Variants in RBFOX1 observed in about 807,000 individuals in gnomAD.
The protein encoded by RBFOX1 is RNA binding fox-1 homolog 1.
Under a neutral mutation model 57.7 loss-of-function variants are expected in RBFOX1, and 8 were observed. The ratio of observed to expected loss-of-function variants is 0.14; its 90% CI spans 0.08 to 0.25. The LOEUF is 0.25. RBFOX1 is among the 10% of genes least tolerant of loss of function. The pLI is 1.00. For missense variants in RBFOX1, 611 were observed against 548.5 expected (o/e 1.11, Z -1.14); for synonymous variants, 326 against 222.4 (o/e 1.47, Z -4.15).
intron 3 of RBFOX1, among the ~76,000 whole-genome samples, chr16:5,670,167 G>T (rs529862804): frequency 3.7e-4 from 56 of 152,216 alleles, no homozygotes; most frequent in Non-Finnish European, 4.6e-4. Context: ...GGTTACTGGG[G>T]GCTGGGGGCT....
chr16:7,251,829 C>T (rs963306896), intron 4 of RBFOX1, among the ~76,000 whole-genome samples: 10 of 152,264 alleles, frequency 6.6e-5, no homozygotes, highest in East Asian at 1.9e-4. Flanking sequence ...ATACTGATTT[C>T]GTTTCCTTTG....
intron 3 of RBFOX1, among the ~76,000 whole-genome samples, chr16:6,821,940 T>A (rs776196141): frequency 2.0e-5 from 3 of 152,190 alleles, no homozygotes; most frequent in Non-Finnish European, 2.9e-5. Flanking sequence ...TTTTCACAGC[T>A]CTAGTTTCTG....
intron 4 of RBFOX1, among the ~76,000 whole-genome samples, chr16:7,472,332 G>A (rs1373695740): frequency 1.3e-5 from 2 of 151,516 alleles, no homozygotes; most frequent in Non-Finnish European, 2.9e-5. Context: ...ATTTGGAGGA[G>A]GGGATCTTCG....
intron 3 of RBFOX1, among the ~76,000 whole-genome samples, chr16:6,942,384 C>G (rs180691913): frequency 2.0e-4 from 30 of 152,198 alleles, no homozygotes; most frequent in Middle Eastern, 3.4e-3. Context: ...GATCTCGAAC[C>G]CTTGGGTTCA....
At position 6,400,563 on chromosome 16, in the gene RBFOX1, G is replaced by A. The variant is rs1208437036; in HGVS notation, c.-64+83506G>A. ...AAAAAAGAAAATTATACCCAATATA[G>A]TAAAAGGATGGGAATAGTAAATATA... On this transcript the variant is annotated intron_variant, in intron 2 of 15. Coordinates refer to ENST00000550418, the MANE Select transcript of RBFOX1 (RefSeq NM_018723.4). Among the ~76,000 whole-genome samples, 5 of 150,570 alleles carry A rather than the reference G, an allele frequency of 3.3e-5. No homozygotes were observed. The East Asian group carries it at 9.6e-4, about 29-fold the overall frequency.
At position 7,710,865 on chromosome 16, in the gene RBFOX1, TAAAA is replaced by T; in HGVS notation, c.*122_*125del. 1 of 1,027,610 alleles carries T rather than the reference TAAAA, an allele frequency of 9.7e-7. No homozygotes were observed. Among genetic ancestry groups the T allele is most frequent in the Non-Finnish European group, 1.3e-6 (1 of 781,130 alleles). The allele number at this position is 1,027,610 out of a possible 1,614,324, so 63.7% of individuals were successfully genotyped here. ...ACTCTAAAAAAAAAAAAAATACAAA[TAAAA>T]AGGAAAAAAAATTACATTTTTTATC... On this transcript the variant is annotated 3_prime_UTR_variant, in exon 16 of 16. Coordinates refer to ENST00000550418, the MANE Select transcript of RBFOX1 (RefSeq NM_018723.4).
At chr16:7,559,096 G>C (rs2089624613) in intron 5 of RBFOX1, among the ~76,000 whole-genome samples, 1 of 152,202 alleles carries the variant, frequency 6.6e-6, no homozygotes, top group African/African-American at 2.4e-5. Context: ...GAAAGGTTCA[G>C]AGGCCTTTCC....
At chr16:7,286,071 A>G (rs2095645227) in intron 4 of RBFOX1, among the ~76,000 whole-genome samples, 1 of 152,220 alleles carries the variant, frequency 6.6e-6, no homozygotes, top group Non-Finnish European at 1.5e-5. Flanking sequence ...TTCTTAGAAC[A>G]TAATTTACCA....
intron 3 of RBFOX1, among the ~76,000 whole-genome samples, chr16:5,666,931 C>A (rs1221783480): frequency 6.6e-6 from 1 of 152,154 alleles, no homozygotes; most frequent in Non-Finnish European, 1.5e-5. Context: ...CTGTGTGTTT[C>A]ATTCTATCTG....
chr16:7,003,682 G>T (rs910573857), intron 3 of RBFOX1, among the ~76,000 whole-genome samples: 2 of 152,092 alleles, frequency 1.3e-5, no homozygotes, highest in African/African-American at 4.8e-5. Flanking sequence ...ACATAGGAAA[G>T]CTTAGTTGAT....
chr16:5,664,438 C>T (rs969714865), intron 3 of RBFOX1, among the ~76,000 whole-genome samples: 1 of 152,054 alleles, frequency 6.6e-6, no homozygotes, highest in Non-Finnish European at 1.5e-5. Flanking sequence ...GAGCCAGCTA[C>T]TCGGGAGGCT....
intron 4 of RBFOX1, among the ~76,000 whole-genome samples, chr16:7,093,158 T>G (rs2151160542): frequency 6.6e-6 from 1 of 152,344 alleles, no homozygotes; most frequent in South Asian, 2.1e-4. Context: ...GAAATTCGTT[T>G]CTGTTGACCT....
At chr16:7,382,226 T>C (rs1311026828) in intron 4 of RBFOX1, among the ~76,000 whole-genome samples, 1 of 152,204 alleles carries the variant, frequency 6.6e-6, no homozygotes, top group Non-Finnish European at 1.5e-5. Context: ...ATTAAACTAA[T>C]CCTATCTGGA....
intron 3 of RBFOX1, among the ~76,000 whole-genome samples, chr16:6,937,401 C>CT (rs377139239): frequency 0.014 from 2,106 of 151,450 alleles, 57 homozygotes; most frequent in African/African-American, 0.047. Flanking sequence ...TTAATGTAGA[C>CT]TTTTTTTTTA....
intron 3 of RBFOX1, among the ~76,000 whole-genome samples, chr16:6,655,830 C>A (rs187293405): frequency 6.6e-6 from 1 of 152,164 alleles, no homozygotes; most frequent in Non-Finnish European, 1.5e-5. Context: ...CAGAGGTTTT[C>A]AGCTCTGATT....
intron 3 of RBFOX1, among the ~76,000 whole-genome samples, chr16:6,967,928 G>C (rs1018276356): frequency 3.9e-5 from 6 of 152,174 alleles, no homozygotes; most frequent in Non-Finnish European, 8.8e-5. Flanking sequence ...CAACTGTTCA[G>C]CTGCCCCGGG....
intron 2 of RBFOX1, among the ~76,000 whole-genome samples, chr16:6,424,013 G>A (rs972457538): frequency 4.6e-5 from 7 of 152,102 alleles, no homozygotes; most frequent in African/African-American, 1.7e-4. Context: ...GCCGAGGCAG[G>A]TGGATCACTA....
chr16:5,885,539 C>G (rs551532209), intron 4 of RBFOX1, among the ~76,000 whole-genome samples: 1 of 152,104 alleles, frequency 6.6e-6, no homozygotes, highest in Non-Finnish European at 1.5e-5. Flanking sequence ...TTTTCAGAAT[C>G]TCCTTTCCTT....
intron 4 of RBFOX1, among the ~76,000 whole-genome samples, chr16:5,971,864 A>G (rs988094348): frequency 1.3e-5 from 2 of 152,212 alleles, no homozygotes; most frequent in Non-Finnish European, 2.9e-5. Context: ...CATTTATGTC[A>G]GTAGACTGAG....
Sources: allele counts gnomAD v4.1 joint callset (sites outside exome capture counted in the v4.1 genomes callset), GRCh38; gene constraint gnomAD v4.1.1; transcripts MANE v1.5; gene names NCBI Gene and HGNC (gene_info 2026-07-23, HGNC 2026-07-21).